Variants in DLGAP1 observed in about 807,000 individuals in gnomAD.
The protein encoded by DLGAP1 is disks large-associated protein 1.
A neutral mutation model predicts 90.8 loss-of-function variants in DLGAP1; 11 were observed. The observed-to-expected ratio is 0.12, with a 90% CI of 0.08 to 0.20. The LOEUF (loss-of-function observed/expected upper bound fraction) is 0.20. Among genes scored for constraint, DLGAP1 ranks in the 10% least tolerant of loss-of-function variants. The pLI is 1.00. For synonymous variants in DLGAP1, 558 were observed against 540.7 expected, an observed-to-expected ratio of 1.03 and a Z score of -0.44; for missense variants, 1,050 against 1,333.8, an observed-to-expected ratio of 0.79 and a Z score of 3.31.
intron 2 of DLGAP1, among the ~76,000 whole-genome samples, chr18:4,122,555 G>GT (rs2076169623): frequency 6.6e-6 from 1 of 152,170 alleles, no homozygotes; most frequent in East Asian, 1.9e-4. Context: ...ATGTTTTTAC[G>GT]TTTTTTGCAC....
chr18:4,314,980 C>T lies in DLGAP1; in HGVS notation c.-267+140026G>A, dbSNP rs35845481. On this transcript the variant is annotated intron_variant, in intron 1 of 12. Transcript: ENST00000315677. ...TTATCTAAAGAATATCTGTTTTTCCCCAAAATTAAATTTTGGGACTTATGA... is the reference window on the plus strand; with the variant it reads ...TTATCTAAAGAATATCTGTTTTTCCTCAAAATTAAATTTTGGGACTTATGA... Among the ~76,000 whole-genome samples, 408 of 152,154 alleles carry T rather than the reference C, an allele frequency of 2.7e-3. 2 individuals are homozygous for T. Among genetic ancestry groups the T allele is most frequent in the Admixed American group, 4.7e-3 (72 of 15,282 alleles).
At chr18:3,534,968 A>C (rs141971472) in intron 9 of DLGAP1, among the ~76,000 whole-genome samples, 2,886 of 152,080 alleles carry the variant, frequency 0.019, 90 homozygotes, top group African/African-American at 0.066. Flanking sequence ...CTGGGATTAC[A>C]GGTGTGAGCC....
At chr18:3,560,634 C>A (rs1415361211) in intron 9 of DLGAP1, among the ~76,000 whole-genome samples, 1 of 148,136 alleles carries the variant, frequency 6.8e-6, no homozygotes, top group African/African-American at 2.6e-5. Flanking sequence ...ATTAAATGAG[C>A]ACTGGCAGCA....
At chr18:3,576,944 C>G (rs1353604148) in intron 8 of DLGAP1, among the ~76,000 whole-genome samples, 1 of 151,754 alleles carries the variant, frequency 6.6e-6, no homozygotes, top group African/African-American at 2.4e-5. Flanking sequence ...CTCACTGCAA[C>G]CTCCGTCTCC....
chr18:4,439,178 A>T (rs1359405336), intron 1 of DLGAP1, among the ~76,000 whole-genome samples: 1 of 151,946 alleles, frequency 6.6e-6, no homozygotes, highest in Non-Finnish European at 1.5e-5. Flanking sequence ...GTTTAATCCT[A>T]CCCATCCTTC....
chr18:4,439,613 CTGGGCAACA>C (rs984400701), intron 1 of DLGAP1, among the ~76,000 whole-genome samples: 1 of 151,740 alleles, frequency 6.6e-6, no homozygotes, highest in African/African-American at 2.4e-5. Flanking sequence ...CAAGACCAGC[CTGGGCAACA>C]TAGTATGACC....
chr18:4,297,554 A>T (rs1284643266), intron 1 of DLGAP1, among the ~76,000 whole-genome samples: 2 of 152,154 alleles, frequency 1.3e-5, no homozygotes, highest in Non-Finnish European at 2.9e-5. Flanking sequence ...TTATTTTCAC[A>T]TTTCAGTATG....
rs1444223390 is a variant in DLGAP1, at chr18:3,789,010, G to T, written c.1172+25049C>A. 3.3e-5 allele frequency among the ~76,000 whole-genome samples: 5 copies of T among 152,164 alleles called. 1 individual carries two copies. The East Asian group carries it at 9.7e-4, about 29-fold the overall frequency. Reference sequence around the variant, plus strand: ...GTGACAGATCATTTATACATTTATCGATTCATTCGCACAATTAATTTAGCA... The same window carrying T: ...GTGACAGATCATTTATACATTTATCTATTCATTCGCACAATTAATTTAGCA... On this transcript the variant is annotated intron_variant, in intron 5 of 12. Transcript: ENST00000315677.
chr18:4,233,472 G>C (rs897310361), intron 1 of DLGAP1, among the ~76,000 whole-genome samples: 1 of 152,148 alleles, frequency 6.6e-6, no homozygotes, highest in Non-Finnish European at 1.5e-5. Flanking sequence ...TCAGAGGTGA[G>C]GTGCCTTCTC....
intron 2 of DLGAP1, among the ~76,000 whole-genome samples, chr18:4,089,772 A>G (rs146602457): frequency 0.026 from 3,893 of 152,310 alleles, 56 homozygotes; most frequent in East Asian, 0.038. Flanking sequence ...CTGGCCGGGC[A>G]CGGTGGCTCA....
At chr18:3,569,419 T>C (rs1273822025) in intron 8 of DLGAP1, among the ~76,000 whole-genome samples, 1 of 152,000 alleles carries the variant, frequency 6.6e-6, no homozygotes, top group Non-Finnish European at 1.5e-5. Flanking sequence ...CTTTATATTT[T>C]ATGAACCTAA....
At chr18:4,145,004 T>C (rs998638850) in intron 2 of DLGAP1, among the ~76,000 whole-genome samples, 1 of 152,248 alleles carries the variant, frequency 6.6e-6, no homozygotes, top group East Asian at 1.9e-4. Context: ...AAATAACATT[T>C]ACGTTTCTTT....
rs80118182 is a variant in DLGAP1 at position 3,611,289 on chromosome 18, C to T, written c.1592-29041G>A. On this transcript the variant is annotated intron_variant, in intron 7 of 12. Transcript: ENST00000315677. ...GCCTCACACCCTCCCATCCCAGGCC[C>T]GCATCCCCCTAACTGATTTGAGATG... is the stretch of plus-strand genomic sequence containing the variant. Among the ~76,000 whole-genome samples the T allele has an allele frequency of 1.7e-3, 264 of 152,194 alleles. 8 individuals are homozygous for T. In the East Asian group the frequency reaches 0.044, roughly 25 times the overall value.
rs11389361 is a variant in DLGAP1, at chr18:4,438,431, C to CAAAAA, written c.-267+16570_-267+16574dup. Among the ~76,000 whole-genome samples, 23 of 52,084 alleles carry CAAAAA rather than the reference C, an allele frequency of 4.4e-4. 1 individual carries two copies. The highest frequency in any genetic ancestry group is 0.026 in the Middle Eastern group (1 of 38). 34.2% of individuals were successfully genotyped at this position (52,084 alleles called of 152,430 possible). ...TGGGTGACAGAGCGAGACTCCATCT[C>CAAAAA]AAAAAAAAAAAAAAAAAAAAAAAGA... is the stretch of plus-strand genomic sequence containing the variant. On this transcript the variant is annotated intron_variant, in intron 1 of 12. Transcript: ENST00000315677.
intron 7 of DLGAP1, among the ~76,000 whole-genome samples, chr18:3,594,744 T>C (rs1042796389): frequency 6.6e-6 from 1 of 152,134 alleles, no homozygotes; most frequent in African/African-American, 2.4e-5. Flanking sequence ...TTCCACCCAA[T>C]CTCTTTCTTC....
chr18:4,000,814 A>G (rs935769844), intron 3 of DLGAP1, among the ~76,000 whole-genome samples: 4 of 152,312 alleles, frequency 2.6e-5, no homozygotes, highest in African/African-American at 7.2e-5. Context: ...AGGGATATTG[A>G]CTTTTTAACT....
intron 1 of DLGAP1, among the ~76,000 whole-genome samples, chr18:4,317,532 T>C (rs1011624545): frequency 6.6e-6 from 1 of 152,220 alleles, no homozygotes; most frequent in Non-Finnish European, 1.5e-5. Flanking sequence ...AAGTTAGCAG[T>C]GAAAGGATTG....
chr18:3,527,884 C>T (rs574305979), intron 10 of DLGAP1, among the ~76,000 whole-genome samples: 237 of 152,278 alleles, frequency 1.6e-3, no homozygotes, highest in Non-Finnish European at 2.2e-3. Flanking sequence ...GGAGCCACCA[C>T]GCCCAGTGGG....
At chr18:4,001,166 CTA>C (rs1267356484) in intron 3 of DLGAP1, among the ~76,000 whole-genome samples, 2 of 151,832 alleles carry the variant, frequency 1.3e-5, no homozygotes, top group Admixed American at 6.5e-5. Flanking sequence ...TGTTCATTCA[CTA>C]TTTTATTTCT....
Sources: gnomAD v4.1 joint callset for allele counts (sites outside exome capture counted in the v4.1 genomes callset) on GRCh38, gnomAD v4.1.1 for gene constraint, MANE v1.5 for transcripts, NCBI Gene and HGNC (gene_info 2026-07-23, HGNC 2026-07-21) for gene names.